Variants in HEMK2 observed in about 807,000 individuals in gnomAD.
The protein encoded by HEMK2 is methyltransferase HEMK2.
At chr21:28,583,078 G>C in the HEMK2 span, among the ~76,000 whole-genome samples, 1 of 152,232 alleles carries the variant, frequency 6.6e-6, no homozygotes, top group African/African-American at 2.4e-5. Context: ...TGAGTCAAAA[G>C]CTATTTCTGA....
chr21:28,577,229 T>A, the HEMK2 span: 100,212 of 151,984 alleles, frequency 0.66, 34,240 homozygotes, highest in Non-Finnish European at 0.75. Context: ...CTGACAGTTT[T>A]AAAATCCAAG....
At chr21:28,770,674 C>T in the HEMK2 span, among the ~76,000 whole-genome samples, 1 of 146,124 alleles carries the variant, frequency 6.8e-6, no homozygotes, top group African/African-American at 2.7e-5. Context: ...AAGTTCAGCT[C>T]TCTCTCTCTC....
chr21:28,758,999 T>C, the HEMK2 span, among the ~76,000 whole-genome samples: 1 of 152,172 alleles, frequency 6.6e-6, no homozygotes, highest in African/African-American at 2.4e-5. Context: ...CAAAATGCAA[T>C]TGTCACAATA....
the HEMK2 span, among the ~76,000 whole-genome samples, chr21:28,606,089 C>G: frequency 6.6e-6 from 1 of 152,110 alleles, no homozygotes. Context: ...GTAGTGTTGG[C>G]AGTACCAGTT....
chr21:28,811,589 C>G, the HEMK2 span, among the ~76,000 whole-genome samples: 256 of 152,294 alleles, frequency 1.7e-3, 1 homozygote, highest in Admixed American at 0.015. Context: ...CAAAGAGAAT[C>G]CACAGAGCAG....
At chr21:28,710,521 C>T in the HEMK2 span, among the ~76,000 whole-genome samples, 1 of 152,194 alleles carries the variant, frequency 6.6e-6, no homozygotes, top group South Asian at 2.1e-4. Flanking sequence ...GTGTGGACCA[C>T]AAATCACCTA....
the HEMK2 span, among the ~76,000 whole-genome samples, chr21:28,798,324 G>A: frequency 2.0e-5 from 3 of 151,990 alleles, no homozygotes; most frequent in South Asian, 2.1e-4. Flanking sequence ...TACTTTTTTC[G>A]CATGGTAACC....
the HEMK2 span, among the ~76,000 whole-genome samples, chr21:28,707,164 A>G: frequency 0.018 from 2,712 of 152,342 alleles, 52 homozygotes; most frequent in Middle Eastern, 0.045. Flanking sequence ...TAAAACGACA[A>G]TAAACACATT....
chr21:28,831,610 A>G, the HEMK2 span, among the ~76,000 whole-genome samples: 54 of 85,690 alleles, frequency 6.3e-4, 1 homozygote, highest in African/African-American at 2.7e-3. Flanking sequence ...AAAGAAGGAA[A>G]GAAGGAAAGA....
At chr21:28,730,383 G>GACACACACACACAGAC in the HEMK2 span, among the ~76,000 whole-genome samples, 3 of 115,832 alleles carry the variant, frequency 2.6e-5, no homozygotes, top group East Asian at 1.1e-3. Context: ...AACACACACA[G>GACACACACACACAGAC]ACACACACAC....
the HEMK2 span, among the ~76,000 whole-genome samples, chr21:28,884,125 T>C: frequency 8.5e-5 from 13 of 152,232 alleles, no homozygotes; most frequent in African/African-American, 2.7e-4. Flanking sequence ...CATGGTCTCA[T>C]AAATAATTAG....
At chr21:28,605,577 CT>C in the HEMK2 span, among the ~76,000 whole-genome samples, 3 of 147,722 alleles carry the variant, frequency 2.0e-5, no homozygotes, top group African/African-American at 5.4e-5. Context: ...CATATGGAAA[CT>C]TTTGTTCAAT....
chr21:28,626,734 G>A, the HEMK2 span: 1 of 151,848 alleles, frequency 6.6e-6, no homozygotes, highest in African/African-American at 2.4e-5. Flanking sequence ...CAAAAAGCTT[G>A]AACAAGCGAA....
chr21:28,857,500 AAAT>A, the HEMK2 span, among the ~76,000 whole-genome samples: 1 of 152,120 alleles, frequency 6.6e-6, no homozygotes, highest in Non-Finnish European at 1.5e-5. Flanking sequence ...TCTGAAAGAG[AAAT>A]AATTTGTCTC....
the HEMK2 span, among the ~76,000 whole-genome samples, chr21:28,696,917 T>C: frequency 1.3e-5 from 2 of 152,218 alleles, no homozygotes; most frequent in East Asian, 3.9e-4. Flanking sequence ...TGGCCTCTTC[T>C]AGCCATGGCT....
chr21:28,740,930 AT>A, the HEMK2 span, among the ~76,000 whole-genome samples: 41,610 of 152,010 alleles, frequency 0.27, 6,091 homozygotes, highest in East Asian at 0.52. Flanking sequence ...TATGTAATGC[AT>A]TTTTTTGGAC....
At chr21:28,630,128 T>C in the HEMK2 span, among the ~76,000 whole-genome samples, 1 of 152,298 alleles carries the variant, frequency 6.6e-6, no homozygotes, top group African/African-American at 2.4e-5. Flanking sequence ...CTTTAACATA[T>C]CTTAAGGCCG....
At chr21:28,785,267 G>A in the HEMK2 span, among the ~76,000 whole-genome samples, 4 of 152,168 alleles carry the variant, frequency 2.6e-5, no homozygotes, top group Non-Finnish European at 5.9e-5. Context: ...ACCAATTCCA[G>A]ACACAATATC....
At chr21:28,743,087 T>C in the HEMK2 span, 9 of 152,210 alleles carry the variant, frequency 5.9e-5, no homozygotes, top group East Asian at 1.9e-4. Flanking sequence ...ACAGTCACTA[T>C]TGTCAAATGC....
Sources: gnomAD v4.1 joint callset for allele counts (sites outside exome capture counted in the v4.1 genomes callset) on GRCh38, gnomAD v4.1.1 for gene constraint, MANE v1.5 for transcripts, NCBI Gene and HGNC (gene_info 2026-07-23, HGNC 2026-07-21) for gene names.